Variants in STAG2 observed in about 807,000 individuals in gnomAD.
The protein encoded by STAG2 is STAG2 cohesin complex component, also known as cohesin subunit SA-2.
STAG2 carries 14 observed loss-of-function variants against 108.1 expected under a neutral mutation model. That is an observed-to-expected ratio of 0.13 (90% CI 0.09 to 0.20). STAG2 has a LOEUF of 0.20. Among genes scored for constraint, STAG2 ranks in the 10% least tolerant of loss-of-function variants. The pLI is 1.00. For missense variants in STAG2, 440 were observed against 940.9 expected, an observed-to-expected ratio of 0.47 and a Z score of 6.96; for synonymous variants, 307 against 302.7, an observed-to-expected ratio of 1.01 and a Z score of -0.15.
At chrX:124,046,309 G>C (rs150525814) in intron 8 of STAG2, among the ~76,000 whole-genome samples, 1 of 112,005 alleles carries the variant, frequency 8.9e-6, no homozygotes, top group Admixed American at 9.5e-5. Context: ...GCAGTTTCCC[G>C]TATGTTGTTT....
At chrX:124,061,966 T>C (rs1359424623) in intron 17 of STAG2, 92 bp downstream of exon 17, 1 of 702,672 alleles carries the variant, frequency 1.4e-6, no homozygotes, top group East Asian at 3.7e-5. Flanking sequence ...TGAAACAATT[T>C]TGTTTTATTT....
At chrX:124,014,319 C>A (rs147630557) in intron 1 of STAG2, among the ~76,000 whole-genome samples, 1,523 of 111,440 alleles carry the variant, frequency 0.014, 30 homozygotes, top group African/African-American at 0.047. Flanking sequence ...TTTAGAAAGG[C>A]CTTTTACTTT....
rs1468157191 is a variant in STAG2 at position 124,082,028 on chromosome X, C to T, written c.2924+500C>T. The stretch of plus-strand genomic sequence containing the variant: ...ATAAAATGAGTTAGGATTAAAACTC[C>T]GTTTATAAGCCTTTGTTTAAATTTA... On this transcript the variant is annotated intron_variant, in intron 28 of 34. Transcript: ENST00000371145. Among the ~76,000 whole-genome samples the T allele has an allele frequency of 1.8e-5, 2 of 111,878 alleles. 1 individual carries two copies. The highest frequency in any genetic ancestry group is 3.8e-5 in the Non-Finnish European group (2 of 53,121).
At chrX:124,076,534 T>G (rs1241684992) in intron 26 of STAG2, 63 bp downstream of exon 26, 2 of 1,007,612 alleles carry the variant, frequency 2.0e-6, no homozygotes, top group African/African-American at 1.9e-5. Flanking sequence ...TATGCATGGC[T>G]GCCATTGAAT....
In STAG2 at chrX:123,981,783, G is replaced by T. The variant is rs980142048; in HGVS notation, c.-163+19927G>T. 2.7e-5 allele frequency among the ~76,000 whole-genome samples: 3 copies of T among 111,376 alleles called. No individual in the cohort carries two copies. In the Admixed American group the frequency reaches 2.9e-4, roughly 11 times the overall value. The stretch of plus-strand genomic sequence containing the variant: ...AGTGAAAAAGAGGGGCCTGGTTCTT[G>T]CCCTTATGGAATTTACAGTCTAGTA... On this transcript the variant is annotated intron_variant, in intron 1 of 34. Coordinates refer to ENST00000371145, the MANE Select transcript of STAG2 (RefSeq NM_001042750.2).
chrX:123,985,014 A>G (rs921283275), intron 1 of STAG2, among the ~76,000 whole-genome samples: 5 of 111,426 alleles, frequency 4.5e-5, no homozygotes, highest in African/African-American at 9.8e-5. Context: ...TGAACCTACC[A>G]CTCAGATTCT....
chrX:124,045,494 C>T (rs1240478637), intron 8 of STAG2, 126 bp downstream of exon 8: 1 of 576,346 alleles, frequency 1.7e-6, no homozygotes, highest in Non-Finnish European at 2.7e-6. Flanking sequence ...ACTAAGAGGA[C>T]ACTCCCCCAT....
chrX:124,033,622 C>T (rs974389671), intron 5 of STAG2, among the ~76,000 whole-genome samples: 1 of 110,896 alleles, frequency 9.0e-6, no homozygotes, highest in African/African-American at 3.3e-5. Flanking sequence ...GTTAGCTGGG[C>T]TTGGTGGTGA....
chrX:124,099,149 C>T (rs761532827), intron 34 of STAG2, among the ~76,000 whole-genome samples: 2 of 111,256 alleles, frequency 1.8e-5, no homozygotes, highest in African/African-American at 3.3e-5. Context: ...ATTTAATGTT[C>T]TAGTAAGAGA....
intron 1 of STAG2, among the ~76,000 whole-genome samples, chrX:124,019,754 G>A (rs2056863653): frequency 9.0e-6 from 1 of 111,236 alleles, no homozygotes; most frequent in Non-Finnish European, 1.9e-5. Context: ...TGAGCAGCAT[G>A]GTGAAACCCT....
intron 1 of STAG2, among the ~76,000 whole-genome samples, chrX:124,000,109 C>T (rs1449521675): frequency 9.1e-6 from 1 of 109,744 alleles, no homozygotes; most frequent in Non-Finnish European, 1.9e-5. Context: ...TTTCAGTCAA[C>T]GATGGACCAC....
At chrX:124,022,482 G>A in intron 2 of STAG2, 49 bp from the exon 3 acceptor site, 1 of 450,055 alleles carries the variant, frequency 2.2e-6, no homozygotes, top group Middle Eastern at 4.6e-4. Flanking sequence ...TATCCTTTCC[G>A]AATATTTTTG....
chrX:123,994,252 C>A (rs1004477035), intron 1 of STAG2, among the ~76,000 whole-genome samples: 4 of 111,469 alleles, frequency 3.6e-5, no homozygotes, highest in Non-Finnish European at 5.6e-5. Flanking sequence ...TCCAGGAGAA[C>A]TAATCCAGTC....
chrX:124,053,594 C>T (rs2058104932), intron 13 of STAG2, among the ~76,000 whole-genome samples: 2 of 110,685 alleles, frequency 1.8e-5, no homozygotes, highest in South Asian at 7.6e-4. Context: ...ATTATAAAAT[C>T]ATAGTAATTT....
At chrX:123,986,253 A>G (rs2055187528) in intron 1 of STAG2, among the ~76,000 whole-genome samples, 1 of 108,613 alleles carries the variant, frequency 9.2e-6, no homozygotes, top group Admixed American at 1.0e-4. Flanking sequence ...TGATGTTAAT[A>G]TATATAATAA....
intron 1 of STAG2, among the ~76,000 whole-genome samples, chrX:123,977,738 C>T (rs796224738): frequency 9.2e-6 from 1 of 108,744 alleles, no homozygotes; most frequent in Admixed American, 1.0e-4. Flanking sequence ...TGTGAGGAAA[C>T]GGAGGCATAG....
chrX:123,982,752 CTTTTTTTTTGCCCT>C (rs1344078098), intron 1 of STAG2, among the ~76,000 whole-genome samples: 1 of 74,304 alleles, frequency 1.3e-5, no homozygotes, highest in Non-Finnish European at 2.4e-5. Flanking sequence ...TTTTTTTTGC[CTTTTTTTTTGCCCT>C]TTTTTTTTTT....
chrX:124,062,406 A>G (rs2058408595), intron 17 of STAG2, among the ~76,000 whole-genome samples: 1 of 112,313 alleles, frequency 8.9e-6, no homozygotes, highest in Non-Finnish European at 1.9e-5. Context: ...TAACTGAAAC[A>G]AAATTTTATC....
rs1302246821 is a variant in STAG2, at chrX:124,030,966, T to C, written c.129T>C (p.Cys43=). 1 of 1,193,803 alleles carries C rather than the reference T, an allele frequency of 8.4e-7. No individual in the cohort carries two copies. The highest frequency in any genetic ancestry group is 1.1e-6 in the Non-Finnish European group (1 of 888,727). ...KNQKQGKGKT[C]KKGKKGPAEK... The stretch of plus-strand genomic sequence containing the variant: ...ACCTCGTATTTTTTATGCAGACTTG[T>C]AAAAAAGGCAAAAAGGGCCCAGCAG... Residue 43 remains cysteine, a synonymous_variant, in exon 5 of 35, where the codon TGT becomes TGC. Transcript: ENST00000371145.
Sources: gnomAD v4.1 joint callset for allele counts (sites outside exome capture counted in the v4.1 genomes callset) on GRCh38, gnomAD v4.1.1 for gene constraint, MANE v1.5 for transcripts, NCBI Gene and HGNC (gene_info 2026-07-23, HGNC 2026-07-21) for gene names.